The following TULP4 variants were observed in gnomAD, a reference collection of about 807,000 sequenced individuals.
TULP4 encodes TUB like protein 4.
In TULP4, 16 loss-of-function variants were observed where a neutral mutation model predicts 129.0. That is an observed-to-expected ratio of 0.12 (90% confidence interval 0.08 to 0.19). TULP4 has a LOEUF of 0.19. Ranked by LOEUF, TULP4 falls within the 10% of genes least tolerant of loss-of-function variation. The pLI is 1.00. For missense variants in TULP4, 1,842 were observed against 2,059.1 expected, an observed-to-expected ratio of 0.89 and a Z score of 2.04; for synonymous variants, 998 against 854.0, an observed-to-expected ratio of 1.17 and a Z score of -2.94.
At chr6:158,271,734 AT>A (rs1299067088) in intron 1 of TULP4, among the ~76,000 whole-genome samples, 1 of 152,212 alleles carries the variant, frequency 6.6e-6, no homozygotes, top group Non-Finnish European at 1.5e-5. Context: ...CTGGCCCCAC[AT>A]TAAAAATTTT....
intron 1 of TULP4, among the ~76,000 whole-genome samples, chr6:158,343,380 G>T (rs1265970547): frequency 2.6e-5 from 4 of 152,174 alleles, no homozygotes; most frequent in Non-Finnish European, 5.9e-5. Flanking sequence ...GGAAGGTAAT[G>T]CAGGGAAGGG....
chr6:158,248,522 G>A (rs997674260), intron 1 of TULP4, among the ~76,000 whole-genome samples: 1 of 152,032 alleles, frequency 6.6e-6, no homozygotes, highest in South Asian at 2.1e-4. Flanking sequence ...GCCCACCTCG[G>A]CCTCCCAAAG....
intron 1 of TULP4, among the ~76,000 whole-genome samples, chr6:158,305,078 A>G (rs1779193847): frequency 6.6e-6 from 1 of 151,796 alleles, no homozygotes; most frequent in Admixed American, 6.6e-5. Flanking sequence ...AAAACTCTAT[A>G]CCCATTAAAC....
At chr6:158,471,534 A>G (rs1040084946) in intron 6 of TULP4, among the ~76,000 whole-genome samples, 1 of 152,248 alleles carries the variant, frequency 6.6e-6, no homozygotes, top group Non-Finnish European at 1.5e-5. Context: ...AGGAGGTGAT[A>G]CAAACAAAAT....
chr6:158,506,672 A>G lies in TULP4; in HGVS notation c.4610A>G (p.Asn1537Ser), dbSNP rs1178170490. The G allele has an allele frequency of 2.5e-6, 4 of 1,612,880 alleles. No homozygotes were observed. Among genetic ancestry groups the G allele is most frequent in the South Asian group, 1.1e-5 (1 of 91,074 alleles). Reference protein sequence around the residue: ...AVQAFAVALANVTQRLK With the variant: ...AVQAFAVALASVTQRLK ...CAGGCCTTTGCAGTTGCCCTGGCCA[A>G]CGTGACTCAGCGCCTCAAATGAAGA... The change falls in exon 14 of 14, where the codon AAC becomes AGC. Residue 1537 changes from asparagine (N) to serine (S), a missense_variant. Physicochemically the swap from Asn to Ser is conservative, Grantham distance 46. This residue lies in a region of TULP4 where 47 missense variants were observed against 104.0 expected (regional missense o/e 0.45). Transcript: ENST00000367097.
Position 158,363,108 on chromosome 6 carries a change from AG to A in TULP4, c.252+48843del, listed in dbSNP as rs1780837873. On this transcript the variant is annotated intron_variant, in intron 1 of 13. Transcript: ENST00000367097. ...AAGTCACAGTCTTTGTATTAGGGCC[AG>A]GGAGTATTGTCCAGCTATTCACTGT... Among the ~76,000 whole-genome samples the A allele has an allele frequency of 2.0e-5, 3 of 149,512 alleles. 1 individual carries two copies. The South Asian group carries it at 6.4e-4, about 32-fold the overall frequency.
intron 3 of TULP4, among the ~76,000 whole-genome samples, chr6:158,447,192 TC>T (rs1779069058): frequency 6.6e-6 from 1 of 152,182 alleles, no homozygotes; most frequent in Non-Finnish European, 1.5e-5. Context: ...ATCTGCCTCT[TC>T]CAGGATTTCA....
Position 158,502,489 on chromosome 6 carries a change from C to A in TULP4, c.2826C>A (p.Thr942=), listed in dbSNP as rs1246534106. Residue 942 remains threonine (T), a synonymous_variant, in exon 13 of 14, where the codon ACC becomes ACA. Coordinates refer to ENST00000367097, the MANE Select transcript of TULP4 (RefSeq NM_020245.5). The part of the protein sequence containing the change: ...KKVPQPCSSA[T]LNRLTVPRYS... ...TCCCTCAGCCCTGCAGCAGTGCCAC[C>A]CTGAACCGCCTGACCGTCCCTCGCT... The A allele has an allele frequency of 1.2e-6, 2 of 1,613,086 alleles. No homozygotes were observed. The highest frequency in any genetic ancestry group is 1.7e-6 in the Non-Finnish European group (2 of 1,179,916).
At chr6:158,456,855 C>CAGT (rs1779303708) in intron 5 of TULP4, among the ~76,000 whole-genome samples, 1 of 150,976 alleles carries the variant, frequency 6.6e-6, no homozygotes, top group Non-Finnish European at 1.5e-5. Context: ...AAAAAATGTT[C>CAGT]AGTGTACCAA....
At chr6:158,250,962 T>G (rs1045675841) in intron 1 of TULP4, among the ~76,000 whole-genome samples, 3 of 152,152 alleles carry the variant, frequency 2.0e-5, no homozygotes, top group Non-Finnish European at 1.5e-5. Flanking sequence ...TTACCAAACC[T>G]TTCACTAGAT....
chr6:158,325,025 A>G (rs1226126038), intron 1 of TULP4, among the ~76,000 whole-genome samples: 1 of 152,254 alleles, frequency 6.6e-6, no homozygotes, highest in Non-Finnish European at 1.5e-5. Flanking sequence ...ATGATTATAA[A>G]CAATAGTAAT....
chr6:158,352,799 A>G (rs1156433891), intron 1 of TULP4, among the ~76,000 whole-genome samples: 1 of 152,190 alleles, frequency 6.6e-6, no homozygotes, highest in African/African-American at 2.4e-5. Flanking sequence ...TAAATATTGG[A>G]AAAAACCTTT....
chr6:158,292,037 A>G (rs1048946523), intron 1 of TULP4, among the ~76,000 whole-genome samples: 1 of 152,208 alleles, frequency 6.6e-6, no homozygotes. Flanking sequence ...TTTTAATTGT[A>G]AACAGATTTT....
At chr6:158,456,200 G>A (rs1291157460) in intron 5 of TULP4, among the ~76,000 whole-genome samples, 2 of 152,136 alleles carry the variant, frequency 1.3e-5, no homozygotes, top group Admixed American at 6.5e-5. Flanking sequence ...CAAAGGTTTC[G>A]ACAACTTTTA....
rs757779966 is a variant in TULP4 at position 158,503,168 on chromosome 6, A to ATCT, written c.3506_3508dup (p.Ile1169_Ser1170insPhe). 2 of 1,613,154 alleles carry ATCT rather than the reference A, an allele frequency of 1.2e-6. No homozygotes were observed. The highest frequency in any genetic ancestry group is 1.7e-6 in the Non-Finnish European group (2 of 1,179,540). On this transcript the variant is annotated inframe_insertion, in exon 13 of 14. Transcript: ENST00000367097. The surrounding 1 kb of genome is among the most constrained non-coding windows in gnomAD (Gnocchi z 4.3). ...CCTGGACGTGTCCCGACTGCCCTTC[A>ATCT]TCTCCCCCAAGTCTCCTGCCAGCCC...
At chr6:158,393,892 T>C (rs1356648064) in intron 1 of TULP4, among the ~76,000 whole-genome samples, 2 of 152,262 alleles carry the variant, frequency 1.3e-5, no homozygotes, top group Non-Finnish European at 2.9e-5. Context: ...CAAATTTCTA[T>C]AGCTGGCAGC....
chr6:158,438,680 G>C (rs1197886178), intron 3 of TULP4, among the ~76,000 whole-genome samples: 1 of 152,054 alleles, frequency 6.6e-6, no homozygotes, highest in Non-Finnish European at 1.5e-5. Context: ...CATCTCCTGG[G>C]TTCAAGTGAT....
At chr6:158,308,693 C>T (rs1779265706), upstream of TULP4, among the ~76,000 whole-genome samples, 1 of 149,078 alleles carries the variant, frequency 6.7e-6, no homozygotes. Flanking sequence ...CCTCACTTCC[C>T]AGTAGGGGCG....
intron 6 of TULP4, 121 bp downstream of exon 6, chr6:158,461,850 C>A (rs1779435527): frequency 1.7e-6 from 2 of 1,202,054 alleles, no homozygotes; most frequent in Admixed American, 2.9e-5. Context: ...GTGGGTAAAC[C>A]AGGAGAAATA....
Sources: allele counts gnomAD v4.1 joint callset (sites outside exome capture counted in the v4.1 genomes callset), GRCh38; gene constraint gnomAD v4.1.1; regional missense constraint gnomAD v4.1.1; non-coding constraint Gnocchi (gnomAD v3.1); transcripts MANE v1.5; gene names NCBI Gene and HGNC (gene_info 2026-07-23, HGNC 2026-07-21).